TMPRSS9: variants seen among roughly 807,000 people sequenced by gnomAD.
The protein encoded by TMPRSS9 is transmembrane protease serine 9.
A neutral mutation model predicts 111.4 loss-of-function variants in TMPRSS9; 113 were observed. The ratio of observed to expected loss-of-function variants is 1.01; its 90% CI spans 0.87 to 1.19. The LOEUF is 1.19. Ranked by LOEUF, TMPRSS9 falls within the 50% of genes most tolerant of loss-of-function variation. The probability of loss-of-function intolerance (pLI) is 0.00; values close to 1 mark genes in which losing one functional copy is unlikely to be tolerated. For synonymous variants in TMPRSS9, 805 were observed against 659.1 expected (o/e 1.22, Z -3.39); for missense variants, 1,803 against 1,513.1 (o/e 1.19, Z -3.18).
chr19:2,401,095 A>T (rs1373182660), intron 4 of TMPRSS9, among the ~76,000 whole-genome samples: 2 of 149,436 alleles, frequency 1.3e-5, no homozygotes, highest in African/African-American at 5.0e-5. Flanking sequence ...TAACACGGTG[A>T]AACCCCGTCT....
chr19:2,387,523 AGG>A (rs1970502126), upstream of TMPRSS9, among the ~76,000 whole-genome samples: 1 of 133,112 alleles, frequency 7.5e-6, no homozygotes, highest in African/African-American at 4.0e-5. Flanking sequence ...AGGAAAGGAA[AGG>A]AAGGGAAGGG....
At chr19:2,410,354 T>C (rs751163356) in exon 9 of TMPRSS9, 34 of 1,613,912 alleles carry the variant, frequency 2.1e-5, no homozygotes, top group Non-Finnish European at 2.7e-5. Context: ...GACAGGATGG[T>C]GTGCGCTGGC....
At chr19:2,398,795 T>A in exon 3 of TMPRSS9, 1 of 1,451,192 alleles carries the variant, frequency 6.9e-7, no homozygotes, top group Non-Finnish European at 9.1e-7. Context: ...TCTATTGCAG[T>A]TTGTAAGTAG....
In TMPRSS9 at chr19:2,425,278, C is replaced by CCGGGGCCGCGGTGGTG. The variant is rs1486496025; in HGVS notation, c.2983+18_2983+33dup. 9.6e-6 allele frequency: 12 copies of CCGGGGCCGCGGTGGTG among 1,255,840 alleles called. No homozygotes were observed. In the African/African-American group the frequency reaches 1.8e-4, roughly 19 times the overall value. 77.8% of individuals were successfully genotyped at this position (1,255,840 alleles called of 1,614,324 possible). A position where few individuals can be genotyped will look rare whatever the true frequency, so the allele number is the denominator to read the frequency against. ...CGGTGCGCGAAGGAGGTAGGCGCGC[C>CCGGGGCCGCGGTGGTG]CGGGGCCGCGGTGGTGCGGGGCTCG... On this transcript the variant is annotated intron_variant, in intron 16 of 17. Transcript: ENST00000648592.
chr19:2,368,824 G>A (rs1198190564), intron 1 of TMPRSS9, among the ~76,000 whole-genome samples: 9 of 113,166 alleles, frequency 8.0e-5, no homozygotes, highest in South Asian at 2.9e-4. Flanking sequence ...TCACTCTGTC[G>A]CCCAGGCTGG....
rs538559690 is a variant in TMPRSS9, at chr19:2,370,513, G to C, written c.-26+10153G>C. ...TGGCTCATTATTTTTATTTTTTGTG[G>C]AGATGGGGGTCTCGCTATGTTCCTC... is the stretch of plus-strand genomic sequence containing the variant. On this transcript the variant is annotated intron_variant, in intron 1 of 17. Coordinates refer to the TMPRSS9 transcript ENST00000649857. Among the ~76,000 whole-genome samples, 9 of 151,890 alleles carry C rather than the reference G, an allele frequency of 5.9e-5. No individual in the cohort carries two copies. In the East Asian group the frequency reaches 1.7e-3, roughly 29 times the overall value.
At chr19:2,388,252 A>G (rs373820660), upstream of TMPRSS9, among the ~76,000 whole-genome samples, 37 of 152,066 alleles carry the variant, frequency 2.4e-4, no homozygotes, top group African/African-American at 8.7e-4. Flanking sequence ...AGCTGGGCAT[A>G]GTGGCACACA....
At chr19:2,418,355 CTCCCTCCCTTCCCT>C (rs1971327131) in intron 13 of TMPRSS9, among the ~76,000 whole-genome samples, 2 of 66,088 alleles carry the variant, frequency 3.0e-5, no homozygotes, top group African/African-American at 1.7e-4. Context: ...CTTTCCCTCC[CTCCCTCCCTTCCCT>C]TCCCTCCCTC....
At chr19:2,398,557 G>A (rs1970757272) in intron 2 of TMPRSS9, among the ~76,000 whole-genome samples, 1 of 152,106 alleles carries the variant, frequency 6.6e-6, no homozygotes, top group Non-Finnish European at 1.5e-5. Flanking sequence ...GGCGGAGGTT[G>A]CAGTGAGTGG....
At chr19:2,396,233 C>G (rs1339997430) in intron 1 of TMPRSS9, 1 of 278,374 alleles carries the variant, frequency 3.6e-6, no homozygotes, top group African/African-American at 2.2e-5. Context: ...CTCTTTCTGC[C>G]TTCGAGGAAA....
intron 13 of TMPRSS9, 74 bp from the exon 15 acceptor site, chr19:2,421,780 C>G (rs929290784): frequency 6.7e-7 from 1 of 1,490,988 alleles, no homozygotes; most frequent in Non-Finnish European, 9.0e-7. Flanking sequence ...ACTGTAGGAA[C>G]GCAGGAGGGT....
chr19:2,390,454 A>G (rs1342181328), intron 1 of TMPRSS9, among the ~76,000 whole-genome samples: 2 of 149,026 alleles, frequency 1.3e-5, no homozygotes, highest in African/African-American at 4.9e-5. Flanking sequence ...CGTGTTAGCC[A>G]GGATGGTCTC....
Position 2,399,196 on chromosome 19 carries a change from G to A in TMPRSS9, c.514+3G>A. 1.3e-6 allele frequency: 2 copies of A among 1,589,162 alleles called. No individual in the cohort carries two copies. Among genetic ancestry groups the A allele is most frequent in the Middle Eastern group, 1.7e-4 (1 of 5,826 alleles). Reference sequence around the variant, plus strand: ...AATTGTGTCGGCTGAGCTCACAGGTGAGTGGGCAGCCGAGACCGAAACCCC... The same window carrying A: ...AATTGTGTCGGCTGAGCTCACAGGTAAGTGGGCAGCCGAGACCGAAACCCC... On this transcript the variant is annotated splice_donor_region_variant and intron_variant, in intron 4 of 17. Transcript: ENST00000648592.
intron 1 of TMPRSS9, among the ~76,000 whole-genome samples, chr19:2,380,108 A>G (rs1213093919): frequency 6.6e-6 from 1 of 152,044 alleles, no homozygotes; most frequent in Non-Finnish European, 1.5e-5. Flanking sequence ...GCCATTTTGG[A>G]CCTTGCTGGT....
chr19:2,382,428 G>A (rs376201191), intron 1 of TMPRSS9, among the ~76,000 whole-genome samples: 6 of 152,120 alleles, frequency 3.9e-5, no homozygotes, highest in Non-Finnish European at 8.8e-5. Context: ...CACCGCGCCC[G>A]GTCAAAACAT....
chr19:2,387,297 C>A (rs1199161442), upstream of TMPRSS9, among the ~76,000 whole-genome samples: 1 of 151,842 alleles, frequency 6.6e-6, no homozygotes, highest in African/African-American at 2.4e-5. Flanking sequence ...GAGTTCGAGA[C>A]CAGCCTGGCC....
exon 11 of TMPRSS9, chr19:2,415,673 G>A (rs766370273): frequency 3.1e-6 from 5 of 1,588,924 alleles, no homozygotes; most frequent in Non-Finnish European, 3.4e-6. Flanking sequence ...CTTCCAGAAT[G>A]TGGGGCCAGG....
chr19:2,397,870 A>G (rs546315978), intron 2 of TMPRSS9, among the ~76,000 whole-genome samples: 3 of 129,234 alleles, frequency 2.3e-5, no homozygotes, highest in African/African-American at 8.8e-5. Context: ...CAGTGAGCCA[A>G]GATCGTGCCA....
chr19:2,412,462 A>G (rs1364996823), intron 9 of TMPRSS9, among the ~76,000 whole-genome samples: 2 of 152,128 alleles, frequency 1.3e-5, no homozygotes, highest in East Asian at 1.9e-4. Flanking sequence ...TATATTTGCT[A>G]TTCACTTTCT....
Sources: gnomAD v4.1 joint callset for allele counts (sites outside exome capture counted in the v4.1 genomes callset) on GRCh38, gnomAD v4.1.1 for gene constraint, MANE v1.5 for transcripts, NCBI Gene and HGNC (gene_info 2026-07-23, HGNC 2026-07-21) for gene names.